The following LAMP1 variants were observed in gnomAD, a reference collection of about 807,000 sequenced individuals.
The protein encoded by LAMP1 is lysosome associated membrane protein 1.
Under a neutral mutation model 37.5 loss-of-function variants are expected in LAMP1, and 7 were observed. That is an observed-to-expected ratio of 0.19 (90% CI 0.11 to 0.35). The LOEUF is 0.35. Ranked by LOEUF, LAMP1 falls within the 10% of genes least tolerant of loss-of-function variation. The probability of loss-of-function intolerance (pLI) is 1.00; values close to 1 mark genes in which losing one functional copy is unlikely to be tolerated. For synonymous variants in LAMP1, 236 were observed against 229.1 expected, an observed-to-expected ratio of 1.03 and a Z score of -0.27; for missense variants, 537 against 552.8, an observed-to-expected ratio of 0.97 and a Z score of 0.29.
intron 8 of LAMP1, 113 bp from the exon 9 acceptor site, chr13:113,322,169 C>G: frequency 1.6e-6 from 2 of 1,238,212 alleles, no homozygotes; most frequent in African/African-American, 1.5e-5. Flanking sequence ...CTGGAACCTT[C>G]CGCCAGGGTT....
At chr13:113,301,858 C>CTTTTTT (rs539321614) in intron 1 of LAMP1, among the ~76,000 whole-genome samples, 5 of 74,332 alleles carry the variant, frequency 6.7e-5, no homozygotes, top group African/African-American at 2.0e-4. Context: ...GATGTGATTT[C>CTTTTTT]TTTTTTTTTT....
intron 1 of LAMP1, 157 bp from the exon 2 acceptor site, chr13:113,306,328 G>C (rs2042597973): frequency 5.3e-6 from 4 of 754,252 alleles, no homozygotes; most frequent in Non-Finnish European, 8.2e-6. Context: ...CTGCACCCCA[G>C]CCTGGCGACA....
chr13:113,300,100 G>A (rs1458271911), intron 1 of LAMP1, among the ~76,000 whole-genome samples: 1 of 152,172 alleles, frequency 6.6e-6, no homozygotes, highest in African/African-American at 2.4e-5. Context: ...CTGTGATTGC[G>A]TAATGTGACC....
At chr13:113,308,821 ACT>A (rs1257651231) in intron 2 of LAMP1, among the ~76,000 whole-genome samples, 1 of 152,096 alleles carries the variant, frequency 6.6e-6, no homozygotes, top group African/African-American at 2.4e-5. Flanking sequence ...ACGTTAGTAT[ACT>A]GCTTCACTGT....
In LAMP1 at chr13:113,306,487, C is replaced by T; in HGVS notation, c.64C>T (p.Leu22Phe). Reference protein sequence around the residue: ...LLLLLLLLLGLMHCASAAMFM... With the variant: ...LLLLLLLLLGFMHCASAAMFM... ...TCCGTCTTCCCTGGAATTGACAGGC[C>T]TCATGCATTGTGCGTCAGCAGCAAT... is the stretch of plus-strand genomic sequence containing the variant. The change falls in exon 2 of 9, where the codon CTC (leucine) becomes TTC (phenylalanine). Residue 22 changes from leucine to phenylalanine, a missense_variant and splice_region_variant. Physicochemically the swap from Leu to Phe is conservative, Grantham distance 22. Coordinates refer to ENST00000332556, the MANE Select transcript of LAMP1 (RefSeq NM_005561.4). 1 of 1,613,730 alleles carries T rather than the reference C, an allele frequency of 6.2e-7. No homozygotes were observed. The highest frequency in any genetic ancestry group is 1.3e-5 in the African/African-American group (1 of 75,014).
chr13:113,310,466 C>T (rs550436003), intron 3 of LAMP1, among the ~76,000 whole-genome samples: 1 of 152,282 alleles, frequency 6.6e-6, no homozygotes, highest in East Asian at 1.9e-4. Context: ...GCGGAGGTTG[C>T]AGTGAGCCGA....
At chr13:113,306,857 T>TTTTTTTTTA (rs2042602102) in intron 2 of LAMP1, among the ~76,000 whole-genome samples, 1 of 141,368 alleles carries the variant, frequency 7.1e-6, no homozygotes, top group Non-Finnish European at 1.5e-5. Context: ...TTTTTTTTTT[T>TTTTTTTTTA]GAGACGGAGT....
Position 113,322,417 on chromosome 13 carries a change from T to C in LAMP1, c.1250T>C (p.Ile417Thr). Residue 417 changes from isoleucine (I) to threonine (T), a missense_variant, in exon 9 of 9, where the codon ATC becomes ACC. Ile to Thr is a moderately conservative substitution (Grantham distance 89). Coordinates refer to ENST00000332556, the MANE Select transcript of LAMP1 (RefSeq NM_005561.4). ...RKRSHAGYQT[I>T] is the part of the protein sequence containing the mutation. The stretch of plus-strand genomic sequence containing the variant: ...AGGAGTCACGCAGGCTACCAGACTA[T>C]CTAGCCTGGTGCACGCAGGCACAGC... 6.2e-7 allele frequency: 1 copy of C among 1,609,306 alleles called. No individual in the cohort carries two copies.
rs2042695210 is a variant in LAMP1 at position 113,320,880 on chromosome 13, A to G, written c.876+410A>G. Reference sequence around the variant, plus strand: ...CGCTGTGCAAATGAATTAACAGTTCAGTTTCTTATAATTTTAGCTTTCCAA... The same window carrying G: ...CGCTGTGCAAATGAATTAACAGTTCGGTTTCTTATAATTTTAGCTTTCCAA... On this transcript the variant is annotated intron_variant, in intron 6 of 8. Transcript: ENST00000332556. This position sits in a 1 kb window ranked among gnomAD's most constrained non-coding sequence, Gnocchi z 4.4. 4.6e-6 allele frequency: 1 copy of G among 219,084 alleles called. No individual in the cohort carries two copies. The highest frequency in any genetic ancestry group is 5.2e-5 in the Admixed American group (1 of 19,208). The allele number at this position is 219,084 out of a possible 1,614,324, so 13.6% of individuals were successfully genotyped here.
rs752980462 is a variant in LAMP1 at position 113,320,603 on chromosome 13, T to A, written c.876+133T>A. The A allele has an allele frequency of 2.2e-6, 2 of 921,786 alleles. No homozygotes were observed. The highest frequency in any genetic ancestry group is 3.2e-6 in the Non-Finnish European group (2 of 626,578). 57.1% of individuals were successfully genotyped at this position (921,786 alleles called of 1,614,324 possible). ...ACTTTTTTCTGCCTTCCCTTTATCC[T>A]GGGCTTTTTAGTTCCTTGGTTCCCC... On this transcript the variant is annotated intron_variant, in intron 6 of 8. Coordinates refer to ENST00000332556, the MANE Select transcript of LAMP1 (RefSeq NM_005561.4). The surrounding 1 kb of genome is among the most constrained non-coding windows in gnomAD (Gnocchi z 4.4).
chr13:113,299,761 G>T (rs1368893352), intron 1 of LAMP1, among the ~76,000 whole-genome samples: 1 of 150,722 alleles, frequency 6.6e-6, no homozygotes, highest in Admixed American at 6.6e-5. Flanking sequence ...TAGAGATGGG[G>T]TTTCACCATG....
At position 113,322,444 on chromosome 13, in the gene LAMP1, G is replaced by C. The variant is rs749514943; in HGVS notation, c.*23G>C. On this transcript the variant is annotated 3_prime_UTR_variant, in exon 9 of 9. Transcript: ENST00000332556. ...TAGCCTGGTGCACGCAGGCACAGCA[G>C]CTGCAGGGGCCTCTGTTCCTTTCTC... is the stretch of plus-strand genomic sequence containing the variant. The C allele has an allele frequency of 1.9e-6, 3 of 1,592,826 alleles. No homozygotes were observed. Among genetic ancestry groups the C allele is most frequent in the East Asian group, 4.5e-5 (2 of 44,316 alleles).
rs1181203270 is a variant in LAMP1 at position 113,297,514 on chromosome 13, G to A, written c.61+19G>A. 78 of 1,236,572 alleles carry A rather than the reference G, an allele frequency of 6.3e-5. No homozygotes were observed. The highest frequency in any genetic ancestry group is 7.7e-5 in the Non-Finnish European group (76 of 989,704). 76.6% of individuals were successfully genotyped at this position (1,236,572 alleles called of 1,614,324 possible). On this transcript the variant is annotated intron_variant, in intron 1 of 8. Transcript: ENST00000332556. This position sits in a 1 kb window ranked among gnomAD's most constrained non-coding sequence, Gnocchi z 4.4. ...CTGCTCGGTGAGGGGGTCGAGGCGG[G>A]GCCTGGGAGCGGCGGGACCGGGCGG...
At chr13:113,309,151 G>A (rs534565066) in intron 2 of LAMP1, among the ~76,000 whole-genome samples, 5 of 152,302 alleles carry the variant, frequency 3.3e-5, no homozygotes, top group Non-Finnish European at 7.4e-5. Context: ...TGCCCAGGCT[G>A]GAGTGCAGTG....
chr13:113,323,272 CTT>C lies in LAMP1; in HGVS notation c.*852_*853del, dbSNP rs1382045662. The C allele has an allele frequency of 6.6e-6, 1 of 151,734 alleles. No individual in the cohort carries two copies. Among genetic ancestry groups the C allele is most frequent in the Admixed American group, 6.6e-5 (1 of 15,230 alleles). 9.4% of individuals were successfully genotyped at this position (151,734 alleles called of 1,614,324 possible). A position where few individuals can be genotyped will look rare whatever the true frequency, so the allele number is the denominator to read the frequency against. On this transcript the variant is annotated 3_prime_UTR_variant, in exon 9 of 9. Transcript: ENST00000332556. ...TTTTATTTGTAAAGTGATTTTTGGT[CTT>C]CTGTTGACATTCGGGGTGATCCTGT...
rs2042693345 is a variant in LAMP1, at chr13:113,320,706, AG to A, written c.876+240del. 5.7e-6 allele frequency: 3 copies of A among 526,664 alleles called. No homozygotes were observed. In the South Asian group the frequency reaches 7.7e-5, roughly 13 times the overall value. 32.6% of individuals were successfully genotyped at this position (526,664 alleles called of 1,614,324 possible). ...CTGTGCCCACAGTTGGAGTGGCTGC[AG>A]GGGAGGGCATGCAGGCCGTGCGGCC... On this transcript the variant is annotated intron_variant, in intron 6 of 8. Transcript: ENST00000332556. The surrounding 1 kb of genome is among the most constrained non-coding windows in gnomAD (Gnocchi z 4.4).
chr13:113,315,133 T>C (rs1396102260), intron 4 of LAMP1, among the ~76,000 whole-genome samples: 16 of 126,792 alleles, frequency 1.3e-4, no homozygotes, highest in South Asian at 2.6e-4. Flanking sequence ...CGTGGCCTCC[T>C]GGAGGGAGTC....
At chr13:113,312,214 C>T (rs1419873606) in intron 4 of LAMP1, among the ~76,000 whole-genome samples, 2 of 152,202 alleles carry the variant, frequency 1.3e-5, no homozygotes, top group African/African-American at 4.8e-5. Context: ...TGCCCACCTC[C>T]AATTTCCATA....
chr13:113,310,632 C>G, intron 3 of LAMP1, 77 bp from the exon 4 acceptor site: 1 of 1,142,116 alleles, frequency 8.8e-7, no homozygotes, highest in Non-Finnish European at 1.2e-6. Context: ...TAACTGACAT[C>G]AGGGCTAAAA....
Sources: gnomAD v4.1 joint callset for allele counts (sites outside exome capture counted in the v4.1 genomes callset) on GRCh38, gnomAD v4.1.1 for gene constraint, Gnocchi (gnomAD v3.1) non-coding constraint, MANE v1.5 for transcripts, NCBI Gene and HGNC (gene_info 2026-07-23, HGNC 2026-07-21) for gene names.